CANX: variants seen among roughly 807,000 people sequenced by gnomAD.
CANX encodes the protein epididymis secretory sperm binding protein.
CANX carries 14 observed loss-of-function variants against 75.7 expected under a neutral mutation model. The ratio of observed to expected loss-of-function variants is 0.19; its 90% CI spans 0.12 to 0.29. CANX has a LOEUF of 0.29. Ranked by LOEUF, CANX falls within the 10% of genes least tolerant of loss-of-function variation. The pLI is 1.00. For synonymous variants in CANX, 227 were observed against 236.9 expected (o/e 0.96, Z 0.38); for missense variants, 567 against 713.2 (o/e 0.79, Z 2.34).
At chr5:179,697,446 G>C (rs1377047830), upstream of CANX, among the ~76,000 whole-genome samples, 1 of 152,182 alleles carries the variant, frequency 6.6e-6, no homozygotes, top group Non-Finnish European at 1.5e-5. Context: ...TAGTACCACA[G>C]TCTTTTGGCA....
At position 179,690,634 on chromosome 5, in the gene CANX, G is replaced by A. The variant is rs376593945; in HGVS notation, c.-4+11857G>A. Among the ~76,000 whole-genome samples, 5 of 149,016 alleles carry A rather than the reference G, an allele frequency of 3.4e-5. No homozygotes were observed. The East Asian group carries it at 8.0e-4, about 24-fold the overall frequency. ...AGGCTGGGCCCAGTGGCTCACGCCT[G>A]TAATCCCAGCACTTTGGGAGGCTCA... On this transcript the variant is annotated intron_variant, in intron 1 of 14. Coordinates refer to the CANX transcript ENST00000681674.
In CANX at chr5:179,682,819, A is replaced by G. The variant is rs529975852; in HGVS notation, c.-4+4042A>G. Among the ~76,000 whole-genome samples the G allele has an allele frequency of 8.6e-4, 131 of 152,160 alleles. 1 individual carries two copies. The highest frequency in any genetic ancestry group is 4.5e-3 in the Admixed American group (69 of 15,244). ...GGGTGAGGAGTAGGAAGTAATTTAGATGTGGTGCTCGGTGAAGGCCCTTGA... is the reference window on the plus strand; with the variant it reads ...GGGTGAGGAGTAGGAAGTAATTTAGGTGTGGTGCTCGGTGAAGGCCCTTGA... On this transcript the variant is annotated intron_variant, in intron 1 of 14. Transcript: ENST00000681674.
At chr5:179,700,688 C>T (rs181224149) in intron 1 of CANX, among the ~76,000 whole-genome samples, 1 of 152,266 alleles carries the variant, frequency 6.6e-6, no homozygotes, top group Non-Finnish European at 1.5e-5. Context: ...CTTCTCAGGG[C>T]CACAAGGGAT....
At chr5:179,689,941 T>C (rs1370173707) in intron 1 of CANX, among the ~76,000 whole-genome samples, 1 of 152,174 alleles carries the variant, frequency 6.6e-6, no homozygotes. Flanking sequence ...AAGATGAGGT[T>C]TGGAGCCCGT....
intron 6 of CANX, 136 bp from the exon 7 acceptor site, chr5:179,709,737 C>G: frequency 5.4e-6 from 3 of 559,724 alleles, no homozygotes; most frequent in Non-Finnish European, 9.3e-6. Context: ...ACTAAACAAA[C>G]TTGTAGTTAG....
intron 7 of CANX, among the ~76,000 whole-genome samples, chr5:179,714,202 T>C (rs1777770483): frequency 6.6e-6 from 1 of 152,176 alleles, no homozygotes; most frequent in African/African-American, 2.4e-5. Flanking sequence ...GGTTTCACCA[T>C]GTTGGTCAGG....
At chr5:179,707,091 AC>A (rs1173835834) in intron 3 of CANX, 40 bp from the exon 4 acceptor site, 1 of 1,202,214 alleles carries the variant, frequency 8.3e-7, no homozygotes. Context: ...TCACAAGTCA[AC>A]TGTCATTTTA....
At chr5:179,694,746 G>T, upstream of CANX, 1 of 653,950 alleles carries the variant, frequency 1.5e-6, no homozygotes, top group Non-Finnish European at 2.8e-6. Flanking sequence ...AGACGAGGAG[G>T]AGATGAGGAG....
At chr5:179,699,216 C>T (rs1776558927) in intron 1 of CANX, 114 bp downstream of exon 1, 4 of 592,972 alleles carry the variant, frequency 6.7e-6, no homozygotes, top group East Asian at 1.4e-4. Flanking sequence ...CGGGCTGGCT[C>T]TTGAGGGCCC....
At chr5:179,704,775 G>A (rs905979859) in intron 1 of CANX, among the ~76,000 whole-genome samples, 4 of 152,176 alleles carry the variant, frequency 2.6e-5, no homozygotes, top group Admixed American at 2.6e-4. Flanking sequence ...GGCGGCGGTT[G>A]CAGTGAGCTG....
chr5:179,715,980 G>T (rs1777924327), intron 7 of CANX, 125 bp from the exon 8 acceptor site: 1 of 756,240 alleles, frequency 1.3e-6, no homozygotes. Flanking sequence ...GCCAGGCATT[G>T]TTCTTACCCC....
At chr5:179,700,733 G>A (rs1301612630) in intron 1 of CANX, among the ~76,000 whole-genome samples, 5 of 152,180 alleles carry the variant, frequency 3.3e-5, no homozygotes, top group African/African-American at 9.7e-5. Context: ...TGCCGTTTTG[G>A]CAATCACACT....
chr5:179,695,593 T>C (rs1380367519), upstream of CANX, among the ~76,000 whole-genome samples: 1 of 152,112 alleles, frequency 6.6e-6, no homozygotes, highest in East Asian at 1.9e-4. Flanking sequence ...CCTCCCAAAG[T>C]GCTGGGATTA....
At chr5:179,678,914 A>G in intron 1 of CANX, 1 of 1,535,084 alleles carries the variant, frequency 6.5e-7, no homozygotes, top group Non-Finnish European at 8.7e-7. Flanking sequence ...GCCGCGGAAC[A>G]CGAAGGCCTG....
chr5:179,723,862 G>A (rs1237088624), intron 12 of CANX, 83 bp downstream of exon 12: 58 of 1,290,186 alleles, frequency 4.5e-5, no homozygotes, highest in Non-Finnish European at 5.8e-5. Context: ...GTTGCCTGAG[G>A]TTTTCTTTGT....
At chr5:179,703,039 G>C (rs566594490) in intron 1 of CANX, among the ~76,000 whole-genome samples, 1 of 152,116 alleles carries the variant, frequency 6.6e-6, no homozygotes, top group Admixed American at 6.5e-5. Flanking sequence ...AAAGTGCTGT[G>C]ATTACAGGTG....
chr5:179,723,051 G>A, intron 11 of CANX, 32 bp downstream of exon 11: 1 of 1,560,006 alleles, frequency 6.4e-7, no homozygotes, highest in Non-Finnish European at 8.8e-7. Flanking sequence ...ATTTGTGTCT[G>A]TTATTGTAAG....
In CANX at chr5:179,706,276, G is replaced by T; in HGVS notation, c.190G>T (p.Val64Phe). Residue 64 changes from valine to phenylalanine, a missense_variant, in exon 3 of 15, where the codon GTT becomes TTT. By Grantham distance (50) the Val-to-Phe change is conservative (BLOSUM62 -1). Coordinates refer to ENST00000247461, the MANE Select transcript of CANX (RefSeq NM_001746.4). ...AACACAGGTTACTTACAAAGCTCCA[G>T]TTCCAACAGGGGAAGTATATTTTGC... Reference protein sequence around the residue: ...SSPKVTYKAPVPTGEVYFADS... With the variant: ...SSPKVTYKAPFPTGEVYFADS... The T allele has an allele frequency of 6.3e-7, 1 of 1,594,266 alleles. No individual in the cohort carries two copies. Among genetic ancestry groups the T allele is most frequent in the Non-Finnish European group, 8.6e-7 (1 of 1,163,624 alleles).
At chr5:179,688,716 C>T (rs1418111098) in intron 1 of CANX, among the ~76,000 whole-genome samples, 1 of 151,644 alleles carries the variant, frequency 6.6e-6, no homozygotes, top group Non-Finnish European at 1.5e-5. Context: ...CATGATGGCT[C>T]ATGCCTGTAA....
Sources: gnomAD v4.1 joint callset for allele counts (sites outside exome capture counted in the v4.1 genomes callset) on GRCh38, gnomAD v4.1.1 for gene constraint, MANE v1.5 for transcripts, NCBI Gene and HGNC (gene_info 2026-07-23, HGNC 2026-07-21) for gene names.